RMDN1: variants seen among roughly 807,000 people sequenced by gnomAD.
RMDN1 encodes the protein regulator of microtubule dynamics 1.
In RMDN1, 48 loss-of-function variants were observed where a neutral mutation model predicts 48.9. The ratio of observed to expected loss-of-function variants is 0.98; its 90% confidence interval spans 0.78 to 1.25. The LOEUF is 1.25. Among genes scored for constraint, RMDN1 ranks in the 50% most tolerant of loss-of-function variants. The pLI, the probability that RMDN1 is intolerant of heterozygous loss-of-function variation, is 0.00. For synonymous variants in RMDN1, 148 were observed against 132.6 expected (o/e 1.12, Z -0.80); for missense variants, 418 against 373.4 (o/e 1.12, Z -0.98).
chr8:86,501,110 CT>C (rs1818141894), intron 2 of RMDN1, among the ~76,000 whole-genome samples: 1 of 152,112 alleles, frequency 6.6e-6, no homozygotes, highest in African/African-American at 2.4e-5. Flanking sequence ...TGCTCACTAC[CT>C]GGGTGACAAA....
chr8:86,489,200 G>C (rs1199145423), intron 2 of RMDN1, among the ~76,000 whole-genome samples: 1 of 152,136 alleles, frequency 6.6e-6, no homozygotes, highest in Non-Finnish European at 1.5e-5. Flanking sequence ...TTTATACAGA[G>C]ATGTTGTTCA....
At position 86,501,920 on chromosome 8, in the gene RMDN1, T is replaced by TA. The variant is rs35744960; in HGVS notation, c.247+5074dup. On this transcript the variant is annotated intron_variant, in intron 2 of 9. Transcript: ENST00000406452. ...CTTTGTCCTTCTTCATAAATACATT[T>TA]AAAAAAAAAAAAAAAGAACAGTGCA... is the stretch of plus-strand genomic sequence containing the variant. Among the ~76,000 whole-genome samples the TA allele has an allele frequency of 4.7e-3, 645 of 137,738 alleles. 7 individuals carry two copies. Among genetic ancestry groups the TA allele is most frequent in the African/African-American group, 0.012 (443 of 37,542 alleles). 90.4% of individuals were successfully genotyped at this position (137,738 alleles called of 152,430 possible).
chr8:86,481,560 CTTTTT>C (rs71275857), intron 5 of RMDN1, among the ~76,000 whole-genome samples: 25 of 104,470 alleles, frequency 2.4e-4, no homozygotes, highest in Admixed American at 6.4e-4. Flanking sequence ...ATTAATTTTC[CTTTTT>C]TTTTTTTTTT....
intron 2 of RMDN1, among the ~76,000 whole-genome samples, chr8:86,492,648 G>GC (rs1816697556): frequency 7.6e-6 from 1 of 131,424 alleles, no homozygotes; most frequent in African/African-American, 3.0e-5. Flanking sequence ...GCAAGACTCC[G>GC]CCTTAATAAT....
intron 1 of RMDN1, among the ~76,000 whole-genome samples, chr8:86,507,567 T>C (rs1455841596): frequency 6.6e-6 from 1 of 152,202 alleles, no homozygotes; most frequent in African/African-American, 2.4e-5. Context: ...TTCAAACCCC[T>C]GGACTCAAGC....
At chr8:86,503,371 C>CAAAAAAAAACAAAAAAAAAAA (rs1563656222) in intron 2 of RMDN1, among the ~76,000 whole-genome samples, 2 of 68,038 alleles carry the variant, frequency 2.9e-5, no homozygotes, top group Non-Finnish European at 5.1e-5. Flanking sequence ...CAAAACAAAA[C>CAAAAAAAAACAAAAAAAAAAA]AAAAAAAAAA....
chr8:86,492,271 T>C (rs1816636530), intron 2 of RMDN1, among the ~76,000 whole-genome samples: 2 of 152,228 alleles, frequency 1.3e-5, no homozygotes, highest in African/African-American at 4.8e-5. Flanking sequence ...GATTATCTTT[T>C]AAGCATTTTA....
At chr8:86,483,592 G>A (rs1396576637) in intron 5 of RMDN1, among the ~76,000 whole-genome samples, 6 of 152,154 alleles carry the variant, frequency 3.9e-5, no homozygotes, top group Middle Eastern at 3.2e-3. Flanking sequence ...ATTATAAAAT[G>A]TCAGTTATTA....
rs1254505301 is a variant in RMDN1, at chr8:86,508,482, A to C, written c.129+10T>G. The C allele has an allele frequency of 1.3e-6, 2 of 1,543,576 alleles. No homozygotes were observed. The highest frequency in any genetic ancestry group is 1.7e-6 in the Non-Finnish European group (2 of 1,144,738). The stretch of plus-strand genomic sequence containing the variant: ...GAAGTGAGGAGCGGGAGCCAGGACC[A>C]CGGGGGTACCTCGAAGCCGCGGAAT... On this transcript the variant is annotated intron_variant, in intron 1 of 9. Coordinates refer to ENST00000406452, the MANE Select transcript of RMDN1 (RefSeq NM_016033.3).
chr8:86,500,798 C>T (rs1818082371), intron 2 of RMDN1, among the ~76,000 whole-genome samples: 1 of 152,128 alleles, frequency 6.6e-6, no homozygotes, highest in Non-Finnish European at 1.5e-5. Context: ...AACTGAGATG[C>T]CCATCAATGG....
intron 2 of RMDN1, among the ~76,000 whole-genome samples, chr8:86,490,556 C>T (rs1816314677): frequency 6.6e-6 from 1 of 152,102 alleles, no homozygotes; most frequent in Admixed American, 6.5e-5. Context: ...CTCTGGAATG[C>T]AGCTCTCCCA....
intron 2 of RMDN1, among the ~76,000 whole-genome samples, chr8:86,491,816 T>C (rs1393545625): frequency 1.3e-5 from 2 of 152,182 alleles, no homozygotes; most frequent in Non-Finnish European, 2.9e-5. Flanking sequence ...GATTTTTTAC[T>C]TTTCTAGCTG....
intron 2 of RMDN1, among the ~76,000 whole-genome samples, chr8:86,501,914 TAC>T (rs1278647573): frequency 6.8e-6 from 1 of 147,438 alleles, no homozygotes; most frequent in African/African-American, 2.5e-5. Context: ...TCTTCATAAA[TAC>T]ATTTAAAAAA....
intron 7 of RMDN1, 121 bp from the exon 8 acceptor site, chr8:86,477,445 A>T: frequency 2.7e-6 from 2 of 745,534 alleles, no homozygotes; most frequent in Non-Finnish European, 4.3e-6. Context: ...AATCATCTTA[A>T]AATAATGGTC....
At chr8:86,489,398 G>A (rs1039433683) in intron 2 of RMDN1, among the ~76,000 whole-genome samples, 4 of 151,980 alleles carry the variant, frequency 2.6e-5, no homozygotes, top group African/African-American at 4.8e-5. Context: ...TCTGAATTTC[G>A]GGAAATTCCA....
intron 2 of RMDN1, among the ~76,000 whole-genome samples, chr8:86,489,963 A>G (rs982511659): frequency 3.3e-5 from 5 of 152,192 alleles, no homozygotes; most frequent in African/African-American, 1.2e-4. Context: ...TAGTTAAGAA[A>G]TTAAATGACA....
intron 6 of RMDN1, 66 bp from the exon 7 acceptor site, chr8:86,479,076 G>A (rs1813886815): frequency 8.6e-7 from 1 of 1,163,966 alleles, no homozygotes; most frequent in African/African-American, 1.5e-5. Context: ...AGTTAACTAA[G>A]CATCTTAATA....
At chr8:86,488,400 T>C (rs1262910504) in intron 3 of RMDN1, 152 bp downstream of exon 3, 2 of 430,908 alleles carry the variant, frequency 4.6e-6, no homozygotes, top group Non-Finnish European at 4.1e-6. Flanking sequence ...AAGAAACAAA[T>C]AGTATATTAT....
At chr8:86,468,697 T>C (rs1360987695), downstream of RMDN1, 1 of 456,250 alleles carries the variant, frequency 2.2e-6, no homozygotes, top group South Asian at 1.5e-5. Flanking sequence ...TAGGTGAGGC[T>C]ACACAGAACC....
Sources: gnomAD v4.1 joint callset for allele counts (sites outside exome capture counted in the v4.1 genomes callset) on GRCh38, gnomAD v4.1.1 for gene constraint, MANE v1.5 for transcripts, NCBI Gene and HGNC (gene_info 2026-07-23, HGNC 2026-07-21) for gene names.